The following ZNF461 variants were observed in gnomAD, a reference collection of about 807,000 sequenced individuals.
ZNF461 encodes the protein gonadotropin-inducible ovarian transcription factor-1.
Under a neutral mutation model 18.3 loss-of-function variants are expected in ZNF461, and 16 were observed. The ratio of observed to expected loss-of-function variants is 0.88; its 90% CI spans 0.59 to 1.33. The LOEUF (loss-of-function observed/expected upper bound fraction) is 1.33. Ranked by LOEUF, ZNF461 falls within the 40% of genes most tolerant of loss-of-function variation. The probability of loss-of-function intolerance (pLI) is 0.00; values close to 1 mark genes in which losing one functional copy is unlikely to be tolerated. For synonymous variants in ZNF461, 179 were observed against 216.9 expected, an observed-to-expected ratio of 0.83 and a Z score of 1.54; for missense variants, 595 against 669.9, an observed-to-expected ratio of 0.89 and a Z score of 1.23.
At chr19:36,652,232 C>G (rs951175626) in intron 4 of ZNF461, among the ~76,000 whole-genome samples, 2 of 151,954 alleles carry the variant, frequency 1.3e-5, no homozygotes, top group African/African-American at 2.4e-5. Flanking sequence ...TGGCACATGC[C>G]TGTAATCCCA....
At chr19:36,652,239 C>T (rs990764039) in intron 4 of ZNF461, among the ~76,000 whole-genome samples, 3 of 151,966 alleles carry the variant, frequency 2.0e-5, no homozygotes, top group Admixed American at 6.6e-5. Flanking sequence ...TGCCTGTAAT[C>T]CCAGCACTTT....
In ZNF461 at chr19:36,639,726, AAAAT is replaced by A. The variant is rs2037385814; in HGVS notation, c.615_618del (p.Leu205PhefsTer59). 6.2e-7 allele frequency: 1 copy of A among 1,613,484 alleles called. No individual in the cohort carries two copies. Among genetic ancestry groups the A allele is most frequent in the African/African-American group, 1.3e-5 (1 of 74,996 alleles). On this transcript the variant is annotated frameshift_variant, in exon 6 of 6. Transcript: ENST00000588268. LOFTEE classifies it low-confidence loss of function (END_TRUNC). ...GAATGAGTTCTTTTGTGGTGACTAAAAAATAAATGGTAACTGAAGATTTTTCTAC... is the reference window on the plus strand; with the variant it reads ...GAATGAGTTCTTTTGTGGTGACTAAAAAATGGTAACTGAAGATTTTTCTAC...
chr19:36,653,790 A>G (rs2037669221), intron 4 of ZNF461, among the ~76,000 whole-genome samples: 2 of 152,188 alleles, frequency 1.3e-5, no homozygotes, highest in Admixed American at 1.3e-4. Context: ...AGATTTGGGA[A>G]GGGACACAGC....
At chr19:36,656,099 A>C (rs1600437801) in intron 4 of ZNF461, among the ~76,000 whole-genome samples, 1 of 147,432 alleles carries the variant, frequency 6.8e-6, no homozygotes, top group Non-Finnish European at 1.5e-5. Flanking sequence ...CCGGGTTCAC[A>C]CCATTCTCCT....
At position 36,638,801 on chromosome 19, in the gene ZNF461, T is replaced by A. The variant is rs1256757988; in HGVS notation, c.1544A>T (p.His515Leu). 2 of 1,614,076 alleles carry A rather than the reference T, an allele frequency of 1.2e-6. No individual in the cohort carries two copies. The highest frequency in any genetic ancestry group is 8.5e-7 in the Non-Finnish European group (1 of 1,180,026). The change falls in exon 6 of 6, where the codon CAT (histidine) becomes CTT (leucine). Residue 515 changes from histidine (H) to leucine (L), a missense_variant. Physicochemically the swap from His to Leu is moderately conservative, Grantham distance 99. Coordinates refer to ENST00000588268, the MANE Select transcript of ZNF461 (RefSeq NM_153257.5). The stretch of plus-strand genomic sequence containing the variant: ...TTTCTTTCCAGAATGAATTCTCTGA[T>A]GGTGTGAGAAGCTTGAATGATAGCT... Reference protein sequence around the residue: ...AFSYHSSFSHHQRIHSGKKPY... With the variant: ...AFSYHSSFSHLQRIHSGKKPY...
At chr19:36,664,264 T>C (rs2037865118) in intron 2 of ZNF461, among the ~76,000 whole-genome samples, 2 of 152,166 alleles carry the variant, frequency 1.3e-5, no homozygotes, top group South Asian at 2.1e-4. Flanking sequence ...TAAGTTATTG[T>C]ATAATTCCCA....
chr19:36,638,994 T>C lies in ZNF461; in HGVS notation c.1351A>G (p.Arg451Gly). The stretch of plus-strand genomic sequence containing the variant: ...TGTCTTTTGAGGTGTGAACACTGTC[T>C]AAAAGTCTTCCCACATTCCTTACAC... ...YECKECGKTFRQCSHLKRHQR... is the reference protein window; with the variant it reads ...YECKECGKTFGQCSHLKRHQR... The change falls in exon 6 of 6, where the codon AGA (arginine) becomes GGA (glycine). Residue 451 changes from arginine to glycine, a missense_variant. Physicochemically the swap from Arg to Gly is moderately radical, Grantham distance 125 (BLOSUM62 -2). Coordinates refer to ENST00000588268, the MANE Select transcript of ZNF461 (RefSeq NM_153257.5). 6.2e-7 allele frequency: 1 copy of C among 1,614,120 alleles called. No homozygotes were observed. The highest frequency in any genetic ancestry group is 8.5e-7 in the Non-Finnish European group (1 of 1,180,014).
chr19:36,665,363 T>C (rs965102814), intron 1 of ZNF461, among the ~76,000 whole-genome samples: 8 of 152,132 alleles, frequency 5.3e-5, no homozygotes, highest in Non-Finnish European at 1.2e-4. Context: ...TCCTGAAAAA[T>C]ATTCTTAAGT....
At chr19:36,660,180 A>C (rs3108544) in intron 2 of ZNF461, among the ~76,000 whole-genome samples, 96,000 of 142,452 alleles carry the variant, frequency 0.67, 32,382 homozygotes, top group East Asian at 0.81. Flanking sequence ...TAAGCAGAAT[A>C]TCACTGTTGC....
Position 36,638,843 on chromosome 19 carries a change from T to G in ZNF461, c.1502A>C (p.Glu501Ala). ...HTGEKPYECK[E>A]CGKAFSYHSS... ...ATGATAGCTAAAGGCCTTCCCACAT[T>G]CCTTACATTCATAGGGTTTCTCACC... The change falls in exon 6 of 6, where the codon GAA becomes GCA. Residue 501 changes from glutamate to alanine, a missense_variant. By Grantham distance (107) the Glu-to-Ala change is moderately radical. Coordinates refer to ENST00000588268, the MANE Select transcript of ZNF461 (RefSeq NM_153257.5). The G allele has an allele frequency of 6.2e-7, 1 of 1,614,082 alleles. No homozygotes were observed. Among genetic ancestry groups the G allele is most frequent in the Non-Finnish European group, 8.5e-7 (1 of 1,180,006 alleles).
chr19:36,651,058 C>T (rs910210922), intron 4 of ZNF461, among the ~76,000 whole-genome samples: 38 of 150,962 alleles, frequency 2.5e-4, no homozygotes, highest in African/African-American at 9.0e-4. Flanking sequence ...AGTGAAACCC[C>T]GTCTCAACTA....
intron 3 of ZNF461, among the ~76,000 whole-genome samples, 166 bp from the exon 4 acceptor site, chr19:36,656,709 C>T (rs891443133): frequency 6.6e-6 from 1 of 151,948 alleles, no homozygotes; most frequent in Non-Finnish European, 1.5e-5. Context: ...CAGATGAACA[C>T]AGGATCATAA....
intron 3 of ZNF461, among the ~76,000 whole-genome samples, chr19:36,657,298 T>C (rs2037739796): frequency 6.6e-6 from 1 of 151,706 alleles, no homozygotes; most frequent in Non-Finnish European, 1.5e-5. Context: ...CTGGCCAACA[T>C]GGTGAAACCC....
At chr19:36,658,638 T>G (rs1032822532) in intron 2 of ZNF461, 41 of 409,214 alleles carry the variant, frequency 1.0e-4, no homozygotes, top group Non-Finnish European at 1.4e-4. Context: ...CACATCTTCT[T>G]GTGTAGGTGG....
In ZNF461 at chr19:36,661,037, A is replaced by AC. The variant is rs772493108; in HGVS notation, c.10-2613dup. ...GCGCAGTGGCTCACCCCAGTAAGCCACTGCAGGGAGGCAGGATTGCTTAAG... is the reference window on the plus strand; with the variant it reads ...GCGCAGTGGCTCACCCCAGTAAGCCACCTGCAGGGAGGCAGGATTGCTTAAG... On this transcript the variant is annotated intron_variant, in intron 2 of 5. Transcript: ENST00000588268. 5.8e-4 allele frequency among the ~76,000 whole-genome samples: 88 copies of AC among 152,292 alleles called. 1 individual carries two copies. Among genetic ancestry groups the AC allele is most frequent in the Admixed American group, 2.6e-4 (4 of 15,292 alleles).
intron 2 of ZNF461, among the ~76,000 whole-genome samples, chr19:36,660,850 G>A (rs926317518): frequency 6.6e-6 from 1 of 151,636 alleles, no homozygotes; most frequent in African/African-American, 2.4e-5. Context: ...GTTAGAAATA[G>A]TAAACATAGG....
At chr19:36,657,190 G>C (rs568971283) in intron 3 of ZNF461, among the ~76,000 whole-genome samples, 3 of 151,734 alleles carry the variant, frequency 2.0e-5, no homozygotes, top group Non-Finnish European at 2.9e-5. Flanking sequence ...TCACTTAAAA[G>C]AGAGTACAGG....
intron 1 of ZNF461, among the ~76,000 whole-genome samples, chr19:36,665,634 C>A (rs551289148): frequency 7.0e-6 from 1 of 143,818 alleles, no homozygotes; most frequent in Non-Finnish European, 1.5e-5. Flanking sequence ...GCTTAAAACC[C>A]GAAGGCGGAG....
At chr19:36,665,115 TG>T (rs1172868863) in intron 1 of ZNF461, among the ~76,000 whole-genome samples, 1 of 152,030 alleles carries the variant, frequency 6.6e-6, no homozygotes, top group African/African-American at 2.4e-5. Context: ...AGATTTTCAC[TG>T]AATTAAGAGG....
Sources: gnomAD v4.1 joint callset for allele counts (sites outside exome capture counted in the v4.1 genomes callset) on GRCh38, gnomAD v4.1.1 for gene constraint, MANE v1.5 for transcripts, NCBI Gene and HGNC (gene_info 2026-07-23, HGNC 2026-07-21) for gene names.